MAP4K3: variants seen among roughly 807,000 people sequenced by gnomAD.
The protein encoded by MAP4K3 is MAPK/ERK kinase kinase kinase 3.
A neutral mutation model predicts 143.5 loss-of-function variants in MAP4K3; 94 were observed. The observed-to-expected ratio is 0.65, with a 90% CI of 0.55 to 0.78. The LOEUF is 0.78. MAP4K3 is among the 30% of genes least tolerant of loss of function. MAP4K3 has a pLI of 0.00. For missense variants in MAP4K3, 1,077 were observed against 1,068.1 expected (o/e 1.01, Z -0.12); for synonymous variants, 416 against 347.2 (o/e 1.20, Z -2.20).
At chr2:39,359,406 C>A (rs1350807379) in intron 2 of MAP4K3, among the ~76,000 whole-genome samples, 2 of 152,190 alleles carry the variant, frequency 1.3e-5, no homozygotes, top group Non-Finnish European at 2.9e-5. Flanking sequence ...GGGTACAGCT[C>A]CCCTCCTGGC....
chr2:39,365,271 G>C (rs770652477), intron 2 of MAP4K3, among the ~76,000 whole-genome samples: 1 of 152,020 alleles, frequency 6.6e-6, no homozygotes, highest in African/African-American at 2.4e-5. Context: ...GAATTCCAAA[G>C]GGAGGAGGGT....
intron 6 of MAP4K3, among the ~76,000 whole-genome samples, chr2:39,335,412 T>C (rs1664912813): frequency 6.6e-6 from 1 of 152,062 alleles, no homozygotes; most frequent in Non-Finnish European, 1.5e-5. Flanking sequence ...CCAAATCAAA[T>C]CAACCCAATT....
At chr2:39,313,525 CTCTT>C (rs557323573) in intron 13 of MAP4K3, among the ~76,000 whole-genome samples, 46 of 151,624 alleles carry the variant, frequency 3.0e-4, no homozygotes, top group East Asian at 7.7e-4. Flanking sequence ...TTCTCTCTCT[CTCTT>C]TCTTTCAATT....
At chr2:39,271,004 A>G (rs1680996204) in intron 26 of MAP4K3, among the ~76,000 whole-genome samples, 1 of 152,126 alleles carries the variant, frequency 6.6e-6, no homozygotes, top group Admixed American at 6.5e-5. Context: ...TCCTGAAATA[A>G]TAACCTGGAG....
In MAP4K3 at chr2:39,371,476, T is replaced by A. The variant is rs74683216; in HGVS notation, c.154+6590A>T. 6.8e-3 allele frequency among the ~76,000 whole-genome samples: 1,038 copies of A among 152,242 alleles called. 11 individuals carry two copies. The highest frequency in any genetic ancestry group is 0.024 in the African/African-American group (992 of 41,534). The stretch of plus-strand genomic sequence containing the variant: ...GAGTGGAATGTTTAACTCTTGCCAA[T>A]ACACGTTGAATTTCCCTAATTCAAA... On this transcript the variant is annotated intron_variant, in intron 2 of 33. Transcript: ENST00000263881.
In MAP4K3 at chr2:39,437,142, C is replaced by G; in HGVS notation, c.-155G>C. ...TGCGGCCGCCGCCGCCGCCGCCGCT[C>G]CCCTCACGCCGCTGCGGACGACGAC... is the stretch of plus-strand genomic sequence containing the variant. On this transcript the variant is annotated 5_prime_UTR_variant, in exon 1 of 34. Coordinates refer to ENST00000263881, the MANE Select transcript of MAP4K3 (RefSeq NM_003618.4). The G allele has an allele frequency of 6.9e-6, 3 of 431,708 alleles. No homozygotes were observed. The highest frequency in any genetic ancestry group is 7.9e-6 in the Non-Finnish European group (2 of 253,476). 26.7% of individuals were successfully genotyped at this position (431,708 alleles called of 1,614,324 possible).
At chr2:39,368,630 C>G (rs913100599) in intron 2 of MAP4K3, among the ~76,000 whole-genome samples, 1 of 151,648 alleles carries the variant, frequency 6.6e-6, no homozygotes, top group Non-Finnish European at 1.5e-5. Flanking sequence ...GATCACATCA[C>G]TATACTCCAG....
At chr2:39,337,321 G>A (rs1180523772) in intron 5 of MAP4K3, among the ~76,000 whole-genome samples, 1 of 151,962 alleles carries the variant, frequency 6.6e-6, no homozygotes, top group Non-Finnish European at 1.5e-5. Flanking sequence ...TTAAATTTTA[G>A]GTTATATCAT....
chr2:39,403,894 C>T (rs1667021202), intron 1 of MAP4K3, among the ~76,000 whole-genome samples: 1 of 151,364 alleles, frequency 6.6e-6, no homozygotes, highest in Admixed American at 6.6e-5. Flanking sequence ...AGCTCAGCCA[C>T]ACTAGGATAT....
At chr2:39,407,462 C>CT (rs1184069102) in intron 1 of MAP4K3, among the ~76,000 whole-genome samples, 6 of 152,290 alleles carry the variant, frequency 3.9e-5, no homozygotes, top group African/African-American at 1.4e-4. Context: ...GAAACAGCTA[C>CT]TGCCAACCAA....
At chr2:39,290,470 A>G (rs1185653897) in intron 18 of MAP4K3, 136 bp from the exon 19 acceptor site, 3 of 607,442 alleles carry the variant, frequency 4.9e-6, no homozygotes, top group African/African-American at 1.9e-5. Flanking sequence ...AGTTTTTTCT[A>G]AAGTATTTTG....
At chr2:39,257,233 C>A (rs1007716016) in intron 31 of MAP4K3, among the ~76,000 whole-genome samples, 2 of 152,140 alleles carry the variant, frequency 1.3e-5, no homozygotes, top group African/African-American at 4.8e-5. Flanking sequence ...TTTCCCAGCA[C>A]TATCCTACAT....
intron 6 of MAP4K3, 127 bp downstream of exon 6, chr2:39,336,793 A>G: frequency 2.3e-6 from 1 of 430,608 alleles, no homozygotes. Context: ...TATTAAAAGT[A>G]TCACTCATTT....
intron 26 of MAP4K3, among the ~76,000 whole-genome samples, chr2:39,267,714 C>G (rs1193152439): frequency 1.3e-5 from 2 of 151,678 alleles, no homozygotes; most frequent in Non-Finnish European, 2.9e-5. Flanking sequence ...TAAATTGGAT[C>G]CCCTTCTCAT....
chr2:39,296,506 G>C (rs1472316376), intron 16 of MAP4K3, among the ~76,000 whole-genome samples: 2 of 152,118 alleles, frequency 1.3e-5, no homozygotes, highest in African/African-American at 2.4e-5. Flanking sequence ...AAATGAGTAA[G>C]AAATGTTGAC....
chr2:39,316,452 A>C (rs1454725173), intron 12 of MAP4K3, among the ~76,000 whole-genome samples: 1 of 152,146 alleles, frequency 6.6e-6, no homozygotes, highest in African/African-American at 2.4e-5. Flanking sequence ...TTTAGAACAG[A>C]GGTGAACTGG....
intron 1 of MAP4K3, among the ~76,000 whole-genome samples, chr2:39,388,692 T>G (rs1666575006): frequency 6.6e-6 from 1 of 152,164 alleles, no homozygotes; most frequent in African/African-American, 2.4e-5. Flanking sequence ...ATATCTTCCC[T>G]GGAAATCCAT....
intron 13 of MAP4K3, among the ~76,000 whole-genome samples, chr2:39,313,185 C>G (rs185097232): frequency 6.6e-6 from 1 of 152,190 alleles, no homozygotes; most frequent in African/African-American, 2.4e-5. Context: ...TCCCAGTCTG[C>G]GGCACTGTTT....
chr2:39,323,563 G>C (rs1263816086), intron 12 of MAP4K3: 2 of 152,096 alleles, frequency 1.3e-5, no homozygotes, highest in Non-Finnish European at 2.9e-5. Flanking sequence ...TATATTAATT[G>C]AAATTGCATA....
Sources: gnomAD v4.1 joint callset for allele counts (sites outside exome capture counted in the v4.1 genomes callset) on GRCh38, gnomAD v4.1.1 for gene constraint, MANE v1.5 for transcripts, NCBI Gene and HGNC (gene_info 2026-07-23, HGNC 2026-07-21) for gene names.